RCAN2: variants seen among roughly 807,000 people sequenced by gnomAD.
The protein encoded by RCAN2 is regulator of calcineurin 2.
A neutral mutation model predicts 23.6 loss-of-function variants in RCAN2; 9 were observed. The ratio of observed to expected loss-of-function variants is 0.38; its 90% confidence interval spans 0.23 to 0.67. The LOEUF (loss-of-function observed/expected upper bound fraction) is 0.67, where lower values mean the gene tolerates loss of function less well. Among genes scored for constraint, RCAN2 ranks in the 30% least tolerant of loss-of-function variants. The pLI, the probability that RCAN2 is intolerant of heterozygous loss-of-function variation, is 0.51. For missense variants in RCAN2, 273 were observed against 302.3 expected, an observed-to-expected ratio of 0.90 and a Z score of 0.72; for synonymous variants, 109 against 115.7, an observed-to-expected ratio of 0.94 and a Z score of 0.37.
intron 2 of RCAN2, among the ~76,000 whole-genome samples, chr6:46,297,012 C>T (rs548632133): frequency 6.6e-6 from 1 of 152,240 alleles, no homozygotes; most frequent in South Asian, 2.1e-4. Context: ...CATTTTCTTT[C>T]CTAACAGTAC....
At chr6:46,455,426 T>C (rs539604945) in intron 2 of RCAN2, among the ~76,000 whole-genome samples, 5 of 152,280 alleles carry the variant, frequency 3.3e-5, no homozygotes, top group Admixed American at 1.3e-4. Context: ...AAATCAATCA[T>C]ATCCGTAAAT....
intron 2 of RCAN2, among the ~76,000 whole-genome samples, chr6:46,284,035 T>C (rs918921933): frequency 3.3e-5 from 5 of 152,234 alleles, no homozygotes; most frequent in Non-Finnish European, 4.4e-5. Flanking sequence ...CTTGTATGAA[T>C]TTTAAAAATT....
intron 2 of RCAN2, among the ~76,000 whole-genome samples, chr6:46,429,873 A>C (rs1767140470): frequency 6.6e-6 from 1 of 152,222 alleles, no homozygotes; most frequent in Non-Finnish European, 1.5e-5. Flanking sequence ...CTGGCAGTGT[A>C]TATGGCAGAT....
chr6:46,247,292 TTCCTTCTC>T (rs2150317475), intron 3 of RCAN2, among the ~76,000 whole-genome samples: 1 of 152,260 alleles, frequency 6.6e-6, no homozygotes, highest in South Asian at 2.1e-4. Flanking sequence ...TGCCAAATGT[TTCCTTCTC>T]TCCTTCTCTC....
At position 46,220,985 on chromosome 6, in the gene RCAN2, C is replaced by T. The variant is rs1291508525; in HGVS notation, c.*2156G>A. The T allele has an allele frequency of 6.6e-6, 1 of 152,552 alleles. No individual in the cohort carries two copies. The highest frequency in any genetic ancestry group is 1.5e-5 in the Non-Finnish European group (1 of 68,024). The allele number at this position is 152,552 out of a possible 1,614,324, so 9.4% of individuals were successfully genotyped here. On this transcript the variant is annotated 3_prime_UTR_variant, in exon 5 of 5. Coordinates refer to ENST00000371374, the MANE Select transcript of RCAN2 (RefSeq NM_001251974.2). The stretch of plus-strand genomic sequence containing the variant: ...CTTATCGTTCTCCTAGGAAAAGCCC[C>T]TCTTTTCCCCCCTCCCCAAACCCAA...
At chr6:46,416,715 T>C (rs1766725097) in intron 2 of RCAN2, among the ~76,000 whole-genome samples, 1 of 151,606 alleles carries the variant, frequency 6.6e-6, no homozygotes. Flanking sequence ...AGAGATGGGG[T>C]TTCATCATGT....
At chr6:46,315,923 AGGTTTG>A in intron 2 of RCAN2, among the ~76,000 whole-genome samples, 1 of 10,312 alleles carries the variant, frequency 9.7e-5, no homozygotes, top group Admixed American at 5.0e-4. Flanking sequence ...ACAAGAAAAG[AGGTTTG>A]GAAGAGACAA....
intron 4 of RCAN2, among the ~76,000 whole-genome samples, chr6:46,231,641 C>A (rs2150308217): frequency 6.6e-6 from 1 of 152,252 alleles, no homozygotes; most frequent in African/African-American, 2.4e-5. Flanking sequence ...AACTCCTGAT[C>A]TCAGGTGATC....
intron 2 of RCAN2, among the ~76,000 whole-genome samples, chr6:46,383,230 C>T (rs1300882154): frequency 1.4e-5 from 2 of 143,910 alleles, no homozygotes; most frequent in Admixed American, 1.4e-4. Flanking sequence ...GTAGGAGAGG[C>T]AACCAGAGAA....
chr6:46,264,202 T>A (rs928659858), intron 2 of RCAN2, among the ~76,000 whole-genome samples: 2 of 152,208 alleles, frequency 1.3e-5, no homozygotes, highest in African/African-American at 4.8e-5. Context: ...TTTTAGTAAG[T>A]TTAATGTTAA....
intron 2 of RCAN2, among the ~76,000 whole-genome samples, chr6:46,416,741 C>T (rs566464057): frequency 1.9e-4 from 29 of 151,096 alleles, no homozygotes; most frequent in African/African-American, 7.1e-4. Context: ...AGGCTGGTCT[C>T]GAACTCCTGG....
At chr6:46,435,982 G>A (rs1767351899) in intron 2 of RCAN2, among the ~76,000 whole-genome samples, 1 of 152,216 alleles carries the variant, frequency 6.6e-6, no homozygotes, top group Non-Finnish European at 1.5e-5. Context: ...GAAATGTGTA[G>A]CTGTTCAAGA....
chr6:46,465,301 A>G (rs1768343009), intron 1 of RCAN2, among the ~76,000 whole-genome samples: 2 of 152,254 alleles, frequency 1.3e-5, no homozygotes, highest in Admixed American at 1.3e-4. Flanking sequence ...CAAAACAAGC[A>G]ATATTGGAGC....
chr6:46,433,475 G>GT (rs1210352589), intron 2 of RCAN2, among the ~76,000 whole-genome samples: 1 of 152,198 alleles, frequency 6.6e-6, no homozygotes, highest in East Asian at 1.9e-4. Context: ...GATTATCCAG[G>GT]TGTAACACAA....
intron 2 of RCAN2, among the ~76,000 whole-genome samples, chr6:46,292,528 T>C (rs1408686788): frequency 3.3e-5 from 5 of 150,728 alleles, no homozygotes; most frequent in Non-Finnish European, 5.9e-5. Context: ...AATGTTAGCA[T>C]ATAATTGAAC....
intron 2 of RCAN2, among the ~76,000 whole-genome samples, chr6:46,411,467 G>A (rs1582180422): frequency 2.0e-5 from 3 of 152,028 alleles, no homozygotes; most frequent in Non-Finnish European, 2.9e-5. Context: ...ACTTCAAAAT[G>A]GTTAAAGTGG....
chr6:46,437,987 T>C (rs1160013233), intron 2 of RCAN2, among the ~76,000 whole-genome samples: 2 of 152,128 alleles, frequency 1.3e-5, no homozygotes, highest in Non-Finnish European at 2.9e-5. Flanking sequence ...GACACATGGG[T>C]CACAAATAAA....
At chr6:46,247,138 C>A (rs1419924782) in intron 3 of RCAN2, among the ~76,000 whole-genome samples, 1 of 152,134 alleles carries the variant, frequency 6.6e-6, no homozygotes, top group Non-Finnish European at 1.5e-5. Flanking sequence ...GAATCACCTG[C>A]AGTCCTTACT....
chr6:46,388,973 A>T (rs897017456), intron 2 of RCAN2, among the ~76,000 whole-genome samples: 18 of 152,162 alleles, frequency 1.2e-4, no homozygotes, highest in African/African-American at 3.6e-4. Flanking sequence ...TAAAACTTTT[A>T]AAAAAAGAAG....
Sources: allele counts gnomAD v4.1 joint callset (sites outside exome capture counted in the v4.1 genomes callset), GRCh38; gene constraint gnomAD v4.1.1; transcripts MANE v1.5; gene names NCBI Gene and HGNC (gene_info 2026-07-23, HGNC 2026-07-21).